The following HIVEP2 variants were observed in gnomAD, a reference collection of about 807,000 sequenced individuals.
The protein encoded by HIVEP2 is HIVEP zinc finger 2.
In HIVEP2, 14 loss-of-function variants were observed where a neutral mutation model predicts 180.7. The observed-to-expected ratio is 0.08, with a 90% CI of 0.05 to 0.12. HIVEP2 has a LOEUF of 0.12. Among genes scored for constraint, HIVEP2 ranks in the 10% least tolerant of loss-of-function variants. The pLI is 1.00. For synonymous variants in HIVEP2, 1,184 were observed against 1,136.4 expected (o/e 1.04, Z -0.84); for missense variants, 2,579 against 3,008.5 (o/e 0.86, Z 3.34).
intron 1 of HIVEP2, among the ~76,000 whole-genome samples, chr6:142,838,753 T>C (rs1002574157): frequency 2.0e-5 from 3 of 152,200 alleles, no homozygotes; most frequent in African/African-American, 7.2e-5. Flanking sequence ...GATTTCTCGA[T>C]GTACAATGTA....
At chr6:142,914,066 C>T (rs1228501743) in intron 1 of HIVEP2, among the ~76,000 whole-genome samples, 1 of 151,868 alleles carries the variant, frequency 6.6e-6, no homozygotes, top group Non-Finnish European at 1.5e-5. Context: ...TGGGGATGGG[C>T]TCTGGCAGCA....
At chr6:142,938,545 G>A (rs12154082) in intron 1 of HIVEP2, among the ~76,000 whole-genome samples, 14,774 of 152,212 alleles carry the variant, frequency 0.097, 914 homozygotes, top group Non-Finnish European at 0.13. Context: ...GAGAATTCAC[G>A]CTGTATTTAA....
intron 3 of HIVEP2, among the ~76,000 whole-genome samples, chr6:142,776,538 T>C (rs1227959314): frequency 1.0e-5 from 1 of 99,386 alleles, no homozygotes; most frequent in East Asian, 2.8e-4. Context: ...GTTTTTTGTT[T>C]TGTTTTTTTT....
intron 1 of HIVEP2, among the ~76,000 whole-genome samples, chr6:142,845,946 G>T (rs1258463796): frequency 2.6e-5 from 4 of 152,352 alleles, no homozygotes; most frequent in Admixed American, 1.3e-4. Flanking sequence ...ACAAAGGCAG[G>T]CTCCCCCTGC....
At chr6:142,897,381 C>T (rs1284164934) in intron 1 of HIVEP2, among the ~76,000 whole-genome samples, 1 of 152,206 alleles carries the variant, frequency 6.6e-6, no homozygotes, top group East Asian at 1.9e-4. Context: ...GACTCCACCC[C>T]TAGGGCTGCA....
Position 142,945,148 on chromosome 6 carries a change from G to T in HIVEP2, c.-690C>A, listed in dbSNP as rs1292116362. 2 of 149,844 alleles carry T rather than the reference G, an allele frequency of 1.3e-5. No homozygotes were observed. The highest frequency in any genetic ancestry group is 2.1e-4 in the South Asian group (1 of 4,810). 9.3% of individuals were successfully genotyped at this position (149,844 alleles called of 1,614,324 possible). On this transcript the variant is annotated 5_prime_UTR_variant, in exon 1 of 10. Coordinates refer to ENST00000367603, the MANE Select transcript of HIVEP2 (RefSeq NM_006734.4). This position sits in a 1 kb window ranked among gnomAD's most constrained non-coding sequence, Gnocchi z 5.5. ...CCGCAGCCGCAGCGGTGGCCGGGCC[G>T]TGCGCGCCGGTGCACGTCGCTCATT...
At chr6:142,764,746 A>G in intron 7 of HIVEP2, 53 bp downstream of exon 7, 1 of 1,329,720 alleles carries the variant, frequency 7.5e-7, no homozygotes. Context: ...GCACTCAGAA[A>G]TCTAAGTAGC....
upstream of HIVEP2, among the ~76,000 whole-genome samples, chr6:142,945,527 T>G (rs2128442921): frequency 6.6e-6 from 1 of 152,014 alleles, no homozygotes; most frequent in East Asian, 2.0e-4. This position sits in a 1 kb window ranked among gnomAD's most constrained non-coding sequence, Gnocchi z 5.5. Context: ...GCCGCTCCGC[T>G]CTCGCGGTGG....
chr6:142,846,365 G>T (rs1421431925), intron 1 of HIVEP2, among the ~76,000 whole-genome samples: 2 of 152,166 alleles, frequency 1.3e-5, no homozygotes, highest in Admixed American at 1.3e-4. Context: ...ATGCACTCTG[G>T]TCCTTCCCGG....
At chr6:142,892,735 G>A (rs6570531) in intron 1 of HIVEP2, among the ~76,000 whole-genome samples, 146,419 of 152,308 alleles carry the variant, frequency 0.96, 70,374 homozygotes, top group Middle Eastern at 0.98. Context: ...ACACAATTCT[G>A]TTGGTGTAAA....
chr6:142,764,796 T>C lies in HIVEP2; in HGVS notation c.5518+3A>G, dbSNP rs1375098247. 3.7e-6 allele frequency: 6 copies of C among 1,612,646 alleles called. No individual in the cohort carries two copies. Among genetic ancestry groups the C allele is most frequent in the Admixed American group, 1.7e-5 (1 of 59,910 alleles). On this transcript the variant is annotated splice_donor_region_variant and intron_variant, in intron 7 of 9. Transcript: ENST00000367603. ...TTTCCTCTCAAAAAAATCAGACTTG[T>C]ACCTTTCGTTTTGAAGGCAAAGTTA...
intron 2 of HIVEP2, among the ~76,000 whole-genome samples, chr6:142,785,392 C>T (rs1775975207): frequency 7.3e-6 from 1 of 136,898 alleles, no homozygotes; most frequent in Non-Finnish European, 1.6e-5. Flanking sequence ...AAGCAAAATG[C>T]ATCCAAGACA....
At chr6:142,923,779 G>A (rs555479608) in intron 1 of HIVEP2, among the ~76,000 whole-genome samples, 41 of 152,174 alleles carry the variant, frequency 2.7e-4, no homozygotes, top group Non-Finnish European at 4.7e-4. Context: ...TAGATTCTAT[G>A]TCAGGCACAG....
Position 142,769,897 on chromosome 6 carries a change from G to A in HIVEP2, c.4842C>T (p.Ala1614=). ...TTGAGTCTGCCACGTTCCCGCTGGGGGCAGAGGCCATGCGGACCAGCATGC... is the reference window on the plus strand; with the variant it reads ...TTGAGTCTGCCACGTTCCCGCTGGGAGCAGAGGCCATGCGGACCAGCATGC... The part of the protein sequence containing the change: ...PVGMLVRMAS[A]PSGNVADSTL... The change falls in exon 5 of 10, where the codon GCC becomes GCT. Residue 1614 remains alanine, a synonymous_variant. Transcript: ENST00000367603. 1.2e-6 allele frequency: 2 copies of A among 1,614,094 alleles called. No individual in the cohort carries two copies. The highest frequency in any genetic ancestry group is 1.1e-5 in the South Asian group (1 of 91,088).
At chr6:142,801,250 A>G (rs1244512044) in intron 2 of HIVEP2, among the ~76,000 whole-genome samples, 4 of 151,232 alleles carry the variant, frequency 2.6e-5, no homozygotes, top group Non-Finnish European at 5.9e-5. Flanking sequence ...AAGAGGTACT[A>G]TGATAGCATG....
At position 142,773,181 on chromosome 6, in the gene HIVEP2, G is replaced by C. The variant is rs1271825119; in HGVS notation, c.1558C>G (p.Pro520Ala). 1 of 1,614,088 alleles carries C rather than the reference G, an allele frequency of 6.2e-7. No homozygotes were observed. Among genetic ancestry groups the C allele is most frequent in the Non-Finnish European group, 8.5e-7 (1 of 1,180,040 alleles). The change falls in exon 5 of 10, where the codon CCA becomes GCA. Residue 520 changes from proline (P) to alanine (A), a missense_variant. Coordinates refer to ENST00000367603, the MANE Select transcript of HIVEP2 (RefSeq NM_006734.4). ...SSIRNEGKLY[P>A]ANFQGSNPVL... is the part of the protein sequence containing the mutation. ...GGGTTGCTGCCTTGGAAGTTTGCTGGATAAAGTTTTCCTTCGTTCCTGATA... is the reference window on the plus strand; with the variant it reads ...GGGTTGCTGCCTTGGAAGTTTGCTGCATAAAGTTTTCCTTCGTTCCTGATA...
At chr6:142,917,299 A>C (rs1777579205) in intron 1 of HIVEP2, among the ~76,000 whole-genome samples, 1 of 152,246 alleles carries the variant, frequency 6.6e-6, no homozygotes, top group East Asian at 1.9e-4. Flanking sequence ...AATGAAAACA[A>C]AGGTTATATC....
rs1582906982 is a variant in HIVEP2, at chr6:142,844,282, C to T, written c.-640-7235G>A. Among the ~76,000 whole-genome samples the T allele has an allele frequency of 2.0e-5, 3 of 151,890 alleles. No homozygotes were observed. In the South Asian group the frequency reaches 6.2e-4, roughly 32 times the overall value. On this transcript the variant is annotated intron_variant, in intron 1 of 9. Transcript: ENST00000367603. Reference sequence around the variant, plus strand: ...ACAGGTCAATACAAACATAAACATTCAATCTCTAAACTTTTTTTTTTTAAT... The same window carrying T: ...ACAGGTCAATACAAACATAAACATTTAATCTCTAAACTTTTTTTTTTTAAT...
rs201362216 is a variant in HIVEP2, at chr6:142,768,500, G to T, written c.5224C>A (p.Leu1742Ile). 8.7e-5 allele frequency: 140 copies of T among 1,612,528 alleles called. No individual in the cohort carries two copies. In the African/African-American group the frequency reaches 1.7e-3, roughly 19 times the overall value. The change falls in exon 6 of 10, where the codon CTA (leucine) becomes ATA (isoleucine). Residue 1742 changes from leucine to isoleucine, a missense_variant. Physicochemically the swap from Leu to Ile is conservative, Grantham distance 5. Transcript: ENST00000367603. ...ATATTTCCCACTAGTTTCCTTTCTAGTTTGCTGCCAAATAAAAAGGACGCA... is the reference window on the plus strand; with the variant it reads ...ATATTTCCCACTAGTTTCCTTTCTATTTTGCTGCCAAATAAAAAGGACGCA... Reference protein sequence around the residue: ...PDASFLFGSKLERKLVGNILK... With the variant: ...PDASFLFGSKIERKLVGNILK...
Sources: gnomAD v4.1 joint callset for allele counts (sites outside exome capture counted in the v4.1 genomes callset) on GRCh38, gnomAD v4.1.1 for gene constraint, Gnocchi (gnomAD v3.1) non-coding constraint, MANE v1.5 for transcripts, NCBI Gene and HGNC (gene_info 2026-07-23, HGNC 2026-07-21) for gene names.